CDH12: variants seen among roughly 807,000 people sequenced by gnomAD.
CDH12 encodes cadherin-12.
Under a neutral mutation model 74.1 loss-of-function variants are expected in CDH12, and 41 were observed. The observed-to-expected ratio is 0.55, with a 90% confidence interval of 0.43 to 0.72. The LOEUF (loss-of-function observed/expected upper bound fraction) is 0.72, where lower values mean the gene tolerates loss of function less well. Among genes scored for constraint, CDH12 ranks in the 30% least tolerant of loss-of-function variants. The pLI is 0.00. For synonymous variants in CDH12, 399 were observed against 355.0 expected (o/e 1.12, Z -1.39); for missense variants, 945 against 977.2 (o/e 0.97, Z 0.44).
At chr5:22,677,113 A>G (rs952493266) in intron 1 of CDH12, among the ~76,000 whole-genome samples, 14 of 152,182 alleles carry the variant, frequency 9.2e-5, no homozygotes, top group Non-Finnish European at 1.9e-4. Context: ...CAAAAGCACA[A>G]ATTAGATTGG....
chr5:22,290,459 C>T (rs1157149885), intron 3 of CDH12, among the ~76,000 whole-genome samples: 2 of 151,874 alleles, frequency 1.3e-5, no homozygotes. Flanking sequence ...GACAAAGGAA[C>T]AAAAAATCAA....
At chr5:22,821,137 A>G (rs1749678398) in intron 1 of CDH12, among the ~76,000 whole-genome samples, 4 of 151,878 alleles carry the variant, frequency 2.6e-5, no homozygotes, top group Admixed American at 1.3e-4. Context: ...CAAAAACCAC[A>G]TGATTATCTC....
At chr5:22,450,269 C>A (rs1419579742) in intron 2 of CDH12, among the ~76,000 whole-genome samples, 1 of 151,820 alleles carries the variant, frequency 6.6e-6, no homozygotes, top group Non-Finnish European at 1.5e-5. Flanking sequence ...CATGTTCTTG[C>A]CATACATCAA....
At chr5:21,804,927 C>T (rs1478676731) in intron 9 of CDH12, among the ~76,000 whole-genome samples, 1 of 152,036 alleles carries the variant, frequency 6.6e-6, no homozygotes, top group Admixed American at 6.6e-5. Context: ...CGTGCACTAG[C>T]TAATTCAAAT....
chr5:21,806,541 C>G (rs1747435301), intron 9 of CDH12, among the ~76,000 whole-genome samples: 1 of 152,154 alleles, frequency 6.6e-6, no homozygotes, highest in South Asian at 2.1e-4. Flanking sequence ...ACCATTCTTT[C>G]TGTAACCTTG....
At chr5:22,158,761 A>C (rs2150317051) in intron 4 of CDH12, among the ~76,000 whole-genome samples, 1 of 152,210 alleles carries the variant, frequency 6.6e-6, no homozygotes, top group South Asian at 2.1e-4. Flanking sequence ...GCATCAGCAA[A>C]AGCACTCACA....
chr5:22,500,129 G>A (rs1365626036), intron 2 of CDH12, among the ~76,000 whole-genome samples: 2 of 152,072 alleles, frequency 1.3e-5, no homozygotes, highest in East Asian at 3.9e-4. Context: ...TAACAGATTA[G>A]CCTTTTTCAA....
At position 22,138,632 on chromosome 5, in the gene CDH12, G is replaced by T. The variant is rs571419236; in HGVS notation, c.-186-59770C>A. Among the ~76,000 whole-genome samples the T allele has an allele frequency of 1.2e-3, 181 of 150,346 alleles. 1 individual carries two copies. The highest frequency in any genetic ancestry group is 3.0e-3 in the Admixed American group (45 of 15,024). ...TTATGTTAATTTTAACACATCAGGT[G>T]CATGTTTGAATACAAATAAGATCAA... is the stretch of plus-strand genomic sequence containing the variant. On this transcript the variant is annotated intron_variant, in intron 4 of 14. Coordinates refer to ENST00000382254, the MANE Select transcript of CDH12 (RefSeq NM_004061.5).
intron 1 of CDH12, among the ~76,000 whole-genome samples, chr5:22,561,468 A>C (rs565879502): frequency 2.4e-4 from 37 of 152,308 alleles, no homozygotes; most frequent in Non-Finnish European, 3.8e-4. Flanking sequence ...TTCTGATTAA[A>C]GGCAGAATTA....
At chr5:22,741,189 A>G (rs773596714) in intron 1 of CDH12, among the ~76,000 whole-genome samples, 1 of 152,182 alleles carries the variant, frequency 6.6e-6, no homozygotes, top group Non-Finnish European at 1.5e-5. Context: ...TTTTTAGATG[A>G]CTTTCAATGA....
intron 1 of CDH12, among the ~76,000 whole-genome samples, chr5:22,706,378 T>C (rs73742181): frequency 0.024 from 3,684 of 152,160 alleles, 111 homozygotes; most frequent in African/African-American, 0.076. Flanking sequence ...TAAATCATAA[T>C]TCATTCATAA....
At chr5:22,699,551 T>C (rs1441865787) in intron 1 of CDH12, among the ~76,000 whole-genome samples, 1 of 152,172 alleles carries the variant, frequency 6.6e-6, no homozygotes, top group East Asian at 1.9e-4. Flanking sequence ...CAGTGCCTTA[T>C]GGAAGCAATG....
intron 2 of CDH12, among the ~76,000 whole-genome samples, chr5:22,437,016 C>G (rs554605603): frequency 6.6e-6 from 1 of 151,802 alleles, no homozygotes; most frequent in African/African-American, 2.4e-5. Context: ...AATTAACATG[C>G]CTTTTATACC....
At chr5:22,688,919 T>C (rs2126940147) in intron 1 of CDH12, among the ~76,000 whole-genome samples, 1 of 152,218 alleles carries the variant, frequency 6.6e-6, no homozygotes, top group Middle Eastern at 3.4e-3. Flanking sequence ...AATGGCCAAT[T>C]AATGTTTATT....
In CDH12 at chr5:21,837,525, GT is replaced by G. The variant is rs1478052736; in HGVS notation, c.814+4635del. On this transcript the variant is annotated intron_variant, in intron 8 of 14. Coordinates refer to ENST00000382254, the MANE Select transcript of CDH12 (RefSeq NM_004061.5). ...GAGTCACGAACAAATATAGTTAGTT[GT>G]GGGAAATTCTTTCTTATGTATGTAT... Among the ~76,000 whole-genome samples, 3 of 149,056 alleles carry G rather than the reference GT, an allele frequency of 2.0e-5. 1 individual carries two copies. The East Asian group carries it at 6.0e-4, about 30-fold the overall frequency.
chr5:22,723,344 C>T (rs183068269), intron 1 of CDH12, among the ~76,000 whole-genome samples: 150 of 152,132 alleles, frequency 9.9e-4, no homozygotes, highest in Middle Eastern at 6.8e-3. Flanking sequence ...CAAAGTATAA[C>T]ATAAGATTTT....
intron 1 of CDH12, among the ~76,000 whole-genome samples, chr5:22,721,113 G>A (rs1207122271): frequency 6.6e-6 from 1 of 152,200 alleles, no homozygotes; most frequent in East Asian, 1.9e-4. Context: ...CCCATCACAG[G>A]CCTGAAGGCC....
intron 3 of CDH12, among the ~76,000 whole-genome samples, chr5:22,252,963 C>T (rs1048350412): frequency 6.6e-6 from 1 of 151,806 alleles, no homozygotes; most frequent in African/African-American, 2.4e-5. Context: ...TAAGTACTTC[C>T]CACAGTAGAA....
At chr5:22,549,956 A>G (rs1580755873) in intron 1 of CDH12, among the ~76,000 whole-genome samples, 1 of 152,208 alleles carries the variant, frequency 6.6e-6, no homozygotes, top group East Asian at 1.9e-4. Context: ...TTCTCTCTAA[A>G]TTGGATTCAC....
Sources: allele counts gnomAD v4.1 joint callset (sites outside exome capture counted in the v4.1 genomes callset), GRCh38; gene constraint gnomAD v4.1.1; transcripts MANE v1.5; gene names NCBI Gene and HGNC (gene_info 2026-07-23, HGNC 2026-07-21).